The following EPB41L2 variants were observed in gnomAD, a reference collection of about 807,000 sequenced individuals.
The protein encoded by EPB41L2 is erythrocyte membrane protein band 4.1 like 2.
EPB41L2 carries 43 observed loss-of-function variants against 113.0 expected under a neutral mutation model. That is an observed-to-expected ratio of 0.38 (90% CI 0.30 to 0.49). The LOEUF is 0.49. Ranked by LOEUF, EPB41L2 falls within the 20% of genes least tolerant of loss-of-function variation. The pLI, the probability that EPB41L2 is intolerant of heterozygous loss-of-function variation, is 0.95. For synonymous variants in EPB41L2, 442 were observed against 436.7 expected (o/e 1.01, Z -0.15); for missense variants, 1,147 against 1,223.4 (o/e 0.94, Z 0.93).
chr6:130,871,680 T>A (rs1337987419), intron 14 of EPB41L2, among the ~76,000 whole-genome samples: 1 of 152,198 alleles, frequency 6.6e-6, no homozygotes, highest in Non-Finnish European at 1.5e-5. Context: ...TAAATCACAT[T>A]ACTAACAGAA....
At chr6:130,865,730 T>C in intron 16 of EPB41L2, 96 bp from the exon 17 acceptor site, 1 of 1,282,194 alleles carries the variant, frequency 7.8e-7, no homozygotes, top group Non-Finnish European at 1.1e-6. Flanking sequence ...TCTTTTAAAA[T>C]CCATGTGGTT....
At chr6:130,924,946 T>C (rs1030407160) in intron 4 of EPB41L2, among the ~76,000 whole-genome samples, 5 of 152,028 alleles carry the variant, frequency 3.3e-5, no homozygotes, top group African/African-American at 1.2e-4. Context: ...CATAGAATAA[T>C]GGGGAGAAAG....
chr6:130,985,403 C>T (rs1180055178), intron 1 of EPB41L2, among the ~76,000 whole-genome samples: 4 of 152,190 alleles, frequency 2.6e-5, no homozygotes, highest in African/African-American at 9.7e-5. Context: ...CACTCTTCAA[C>T]TGTCAGTGCA....
intron 3 of EPB41L2, among the ~76,000 whole-genome samples, chr6:130,939,983 A>T (rs2128583350): frequency 6.6e-6 from 1 of 151,540 alleles, no homozygotes; most frequent in South Asian, 2.1e-4. Flanking sequence ...TGTACATGTT[A>T]CTGTGTACAT....
At chr6:130,961,367 C>A (rs764242218) in intron 1 of EPB41L2, among the ~76,000 whole-genome samples, 1 of 152,096 alleles carries the variant, frequency 6.6e-6, no homozygotes, top group Non-Finnish European at 1.5e-5. Context: ...ATTTAACATG[C>A]AATGAAGCAG....
At chr6:130,923,321 C>T (rs1803496832) in intron 4 of EPB41L2, among the ~76,000 whole-genome samples, 1 of 152,204 alleles carries the variant, frequency 6.6e-6, no homozygotes, top group African/African-American at 2.4e-5. Context: ...AACTGGTCAT[C>T]TCATATCCTT....
At chr6:130,993,027 C>T (rs1782251954) in intron 1 of EPB41L2, among the ~76,000 whole-genome samples, 1 of 152,138 alleles carries the variant, frequency 6.6e-6, no homozygotes, top group Non-Finnish European at 1.5e-5. Flanking sequence ...AGACTGGGCA[C>T]AAATTTATTT....
chr6:130,854,384 T>C (rs1230924219), intron 19 of EPB41L2, among the ~76,000 whole-genome samples: 2 of 145,726 alleles, frequency 1.4e-5, no homozygotes, highest in Non-Finnish European at 3.1e-5. Flanking sequence ...TCACCTTATA[T>C]GTAAGTTTAT....
intron 1 of EPB41L2, 97 bp from the exon 2 acceptor site, chr6:130,956,596 G>A (rs1466633412): frequency 2.1e-5 from 23 of 1,078,864 alleles, no homozygotes; most frequent in Admixed American, 5.5e-5. Context: ...GAGAAGAAGA[G>A]TAACAGATGA....
intron 19 of EPB41L2, among the ~76,000 whole-genome samples, chr6:130,847,596 C>T (rs753081810): frequency 1.6e-4 from 25 of 152,306 alleles, no homozygotes; most frequent in Admixed American, 6.5e-4. Context: ...TACCATTACT[C>T]TCATCTGCCA....
At chr6:131,057,660 T>C (rs576249458) in intron 1 of EPB41L2, among the ~76,000 whole-genome samples, 3 of 152,308 alleles carry the variant, frequency 2.0e-5, no homozygotes, top group Admixed American at 1.3e-4. Context: ...CAGAACTATA[T>C]GACAAGCTTT....
At chr6:131,012,075 C>T (rs999871708) in intron 1 of EPB41L2, among the ~76,000 whole-genome samples, 15 of 151,796 alleles carry the variant, frequency 9.9e-5, no homozygotes, top group African/African-American at 1.7e-4. Context: ...CGTGGTGGCA[C>T]GCACCTGTAG....
intron 1 of EPB41L2, among the ~76,000 whole-genome samples, chr6:131,061,965 CTG>C (rs1798737369): frequency 6.6e-6 from 1 of 152,046 alleles, no homozygotes; most frequent in Admixed American, 6.5e-5. Context: ...GTTCAAGAAA[CTG>C]GGGAAAGATG....
At chr6:130,889,587 T>C (rs1158696914) in intron 11 of EPB41L2, among the ~76,000 whole-genome samples, 2 of 152,148 alleles carry the variant, frequency 1.3e-5, no homozygotes, top group Admixed American at 6.6e-5. Context: ...AGATGGAAAG[T>C]TTGGTAAGTT....
At chr6:130,916,060 C>T (rs1043101324) in intron 4 of EPB41L2, among the ~76,000 whole-genome samples, 1 of 152,078 alleles carries the variant, frequency 6.6e-6, no homozygotes, top group Non-Finnish European at 1.5e-5. Flanking sequence ...TCTTTGTAGC[C>T]CTGTGTACTT....
chr6:130,989,985 G>A (rs1432870744), intron 1 of EPB41L2, among the ~76,000 whole-genome samples: 1 of 152,190 alleles, frequency 6.6e-6, no homozygotes, highest in Non-Finnish European at 1.5e-5. Context: ...GTTCAATTTA[G>A]ACTGGGTAAC....
chr6:130,891,006 G>A (rs1792658597), intron 10 of EPB41L2, among the ~76,000 whole-genome samples: 1 of 152,100 alleles, frequency 6.6e-6, no homozygotes, highest in African/African-American at 2.4e-5. Flanking sequence ...GGTTCATAAA[G>A]AATGAAATCA....
chr6:130,947,611 C>T (rs758823547), intron 3 of EPB41L2, among the ~76,000 whole-genome samples: 4 of 152,068 alleles, frequency 2.6e-5, no homozygotes, highest in Non-Finnish European at 5.9e-5. Context: ...CGGTGATTTC[C>T]GGTGTAGAGA....
intron 3 of EPB41L2, among the ~76,000 whole-genome samples, chr6:130,934,422 T>A (rs1372700665): frequency 1.3e-5 from 2 of 152,186 alleles, no homozygotes; most frequent in Admixed American, 1.3e-4. Flanking sequence ...ATATATAATA[T>A]ACAAACATAT....
Sources: allele counts gnomAD v4.1 joint callset (sites outside exome capture counted in the v4.1 genomes callset), GRCh38; gene constraint gnomAD v4.1.1; transcripts MANE v1.5; gene names NCBI Gene and HGNC (gene_info 2026-07-23, HGNC 2026-07-21).